Variants in SHANK2 observed in about 807,000 individuals in gnomAD.
SHANK2 encodes the protein SH3 and multiple ankyrin repeat domains protein 2.
In SHANK2, 43 loss-of-function variants were observed where a neutral mutation model predicts 133.7. The ratio of observed to expected loss-of-function variants is 0.32; its 90% CI spans 0.25 to 0.41. The LOEUF (loss-of-function observed/expected upper bound fraction) is 0.41, where lower values mean the gene tolerates loss of function less well. Ranked by LOEUF, SHANK2 falls within the 10% of genes least tolerant of loss-of-function variation. The pLI is 1.00. For synonymous variants in SHANK2, 1,017 were observed against 952.8 expected (o/e 1.07, Z -1.24); for missense variants, 1,994 against 2,235.8 (o/e 0.89, Z 2.18).
At chr11:71,189,243 G>GT (rs1438231706) in intron 2 of SHANK2, among the ~76,000 whole-genome samples, 2 of 152,204 alleles carry the variant, frequency 1.3e-5, no homozygotes, top group Non-Finnish European at 2.9e-5. Context: ...CCCAGACCCC[G>GT]TTCTGTTCCA....
chr11:70,534,320 T>C (rs559042590), intron 17 of SHANK2, among the ~76,000 whole-genome samples: 1 of 152,308 alleles, frequency 6.6e-6, no homozygotes, highest in Non-Finnish European at 1.5e-5. Context: ...CCATCAGATC[T>C]TGTGAAAATT....
intron 14 of SHANK2, among the ~76,000 whole-genome samples, chr11:70,732,079 T>G (rs1946301670): frequency 6.6e-6 from 1 of 152,148 alleles, no homozygotes; most frequent in African/African-American, 2.4e-5. Flanking sequence ...TGGCTTCAGA[T>G]GCCATCAGAC....
In SHANK2 at chr11:71,138,317, G is replaced by T. The variant is rs191691418; in HGVS notation, c.207+8803C>A. Among the ~76,000 whole-genome samples, 98 of 152,322 alleles carry T rather than the reference G, an allele frequency of 6.4e-4. 3 individuals are homozygous for T. The East Asian group carries it at 0.014, about 21-fold the overall frequency. On this transcript the variant is annotated intron_variant, in intron 3 of 25. Transcript: ENST00000601538. ...CCCCAGGTACAGGAGGGGAAGATAGGCTCAGACGTTGCCAGCACAGGTAGA... is the reference window on the plus strand; with the variant it reads ...CCCCAGGTACAGGAGGGGAAGATAGTCTCAGACGTTGCCAGCACAGGTAGA...
chr11:70,503,710 AG>A (rs1227255760), intron 17 of SHANK2, among the ~76,000 whole-genome samples: 1 of 152,228 alleles, frequency 6.6e-6, no homozygotes, highest in African/African-American at 2.4e-5. Flanking sequence ...ACACGGAAGT[AG>A]GAACGGACTC....
chr11:70,497,150 A>G (rs2058982588), intron 21 of SHANK2: 2 of 413,726 alleles, frequency 4.8e-6, no homozygotes, highest in Non-Finnish European at 9.7e-6. Flanking sequence ...GGCTCCCCAC[A>G]GGGGTGTGGG....
chr11:71,082,126 C>T (rs1300857170), intron 8 of SHANK2, among the ~76,000 whole-genome samples: 2 of 152,218 alleles, frequency 1.3e-5, no homozygotes, highest in African/African-American at 4.8e-5. Flanking sequence ...CCTGCCAGCA[C>T]CACAGCCTGG....
In SHANK2 at chr11:71,252,564, AG is replaced by A. The variant is rs1218366809; in HGVS notation, c.-253del. The stretch of plus-strand genomic sequence containing the variant: ...GGAGCCGCCGCCGCGGCTCAGGTGC[AG>A]GGGGTGGGGAAGGACCCGGCCCCGC... On this transcript the variant is annotated 5_prime_UTR_variant, in exon 1 of 26. Coordinates refer to ENST00000601538, the MANE Select transcript of SHANK2 (RefSeq NM_012309.5). This position sits in a 1 kb window ranked among gnomAD's most constrained non-coding sequence, Gnocchi z 6.3. 1 of 150,666 alleles carries A rather than the reference AG, an allele frequency of 6.6e-6. No homozygotes were observed. The highest frequency in any genetic ancestry group is 1.5e-5 in the Non-Finnish European group (1 of 67,484). The allele number at this position is 150,666 out of a possible 1,614,324, so 9.3% of individuals were successfully genotyped here. A position where few individuals can be genotyped will look rare whatever the true frequency, so the allele number is the denominator to read the frequency against.
intron 8 of SHANK2, among the ~76,000 whole-genome samples, chr11:71,085,717 ATATT>A (rs2136022901): frequency 3.0e-5 from 2 of 67,006 alleles, no homozygotes; most frequent in East Asian, 5.0e-4. Flanking sequence ...TATATATATT[ATATT>A]ATATAAAATA....
intron 15 of SHANK2, among the ~76,000 whole-genome samples, chr11:70,687,013 G>A (rs1291228291): frequency 6.6e-6 from 1 of 152,208 alleles, no homozygotes; most frequent in Non-Finnish European, 1.5e-5. Flanking sequence ...CCCACTCTGG[G>A]TCAGGCCCTG....
intron 11 of SHANK2, among the ~76,000 whole-genome samples, chr11:70,885,000 C>T (rs1203796869): frequency 1.3e-5 from 2 of 152,190 alleles, no homozygotes; most frequent in African/African-American, 2.4e-5. Flanking sequence ...GGATTACAGG[C>T]GTGAGACACT....
intron 10 of SHANK2, among the ~76,000 whole-genome samples, chr11:70,914,664 A>AAAT: frequency 7.0e-6 from 1 of 143,390 alleles, no homozygotes; most frequent in African/African-American, 2.6e-5. Flanking sequence ...CTCTACAAAA[A>AAAT]AAATAAATAA....
In SHANK2 at chr11:70,554,732, A is replaced by G. The variant is rs1409286348; in HGVS notation, c.2062-51801T>C. ...CTATAACGCCCCGTTCCCCCACTCCAGTGCCATACAGAAGAGCGCCACTGC... is the reference window on the plus strand; with the variant it reads ...CTATAACGCCCCGTTCCCCCACTCCGGTGCCATACAGAAGAGCGCCACTGC... On this transcript the variant is annotated intron_variant, in intron 17 of 25. Coordinates refer to ENST00000601538, the MANE Select transcript of SHANK2 (RefSeq NM_012309.5). 2.0e-5 allele frequency among the ~76,000 whole-genome samples: 3 copies of G among 151,982 alleles called. No individual in the cohort carries two copies. In the East Asian group the frequency reaches 5.8e-4, roughly 29 times the overall value.
intron 14 of SHANK2, among the ~76,000 whole-genome samples, chr11:70,793,596 TC>T (rs1271883610): frequency 6.6e-6 from 1 of 152,244 alleles, no homozygotes; most frequent in East Asian, 1.9e-4. Context: ...CTAATCATCA[TC>T]CCCAGAAAAA....
At chr11:70,721,757 A>G (rs1946079407) in intron 14 of SHANK2, among the ~76,000 whole-genome samples, 1 of 152,228 alleles carries the variant, frequency 6.6e-6, no homozygotes, top group African/African-American at 2.4e-5. Flanking sequence ...ACCCAACCCT[A>G]GACAGGTGCA....
At chr11:71,202,036 G>C (rs1364035759) in intron 2 of SHANK2, among the ~76,000 whole-genome samples, 1 of 152,250 alleles carries the variant, frequency 6.6e-6, no homozygotes, top group Non-Finnish European at 1.5e-5. Context: ...ATTCTTCACA[G>C]CTGTGTGGAG....
intron 10 of SHANK2, among the ~76,000 whole-genome samples, chr11:70,919,636 C>A (rs1950320163): frequency 6.6e-6 from 1 of 152,204 alleles, no homozygotes; most frequent in Admixed American, 6.5e-5. Flanking sequence ...CCCGCCTTGA[C>A]CTCCCAAGGT....
intron 10 of SHANK2, among the ~76,000 whole-genome samples, chr11:70,951,788 G>T (rs891727939): frequency 6.6e-6 from 1 of 152,238 alleles, no homozygotes; most frequent in Admixed American, 6.5e-5. Context: ...AGGCTCTAGG[G>T]GAGGGTCTTT....
At chr11:71,085,182 C>CA (rs1490071538) in intron 8 of SHANK2, among the ~76,000 whole-genome samples, 9 of 151,952 alleles carry the variant, frequency 5.9e-5, no homozygotes, top group Admixed American at 1.3e-4. Flanking sequence ...TTAGGCTAGG[C>CA]ATGGTGGCTC....
At chr11:71,177,162 T>C (rs1953463917) in intron 2 of SHANK2, among the ~76,000 whole-genome samples, 2 of 151,902 alleles carry the variant, frequency 1.3e-5, no homozygotes, top group South Asian at 4.2e-4. Context: ...AGATCTGTCC[T>C]ACAATAAATG....
Sources: allele counts gnomAD v4.1 joint callset (sites outside exome capture counted in the v4.1 genomes callset), GRCh38; gene constraint gnomAD v4.1.1; non-coding constraint Gnocchi (gnomAD v3.1); transcripts MANE v1.5; gene names NCBI Gene and HGNC (gene_info 2026-07-23, HGNC 2026-07-21).